SMU1: variants seen among roughly 807,000 people sequenced by gnomAD.
SMU1 encodes SMU1 DNA replication regulator and spliceosomal factor, also known as WD40 repeat-containing protein SMU1.
SMU1 carries 2 observed loss-of-function variants against 62.0 expected under a neutral mutation model. The observed-to-expected ratio is 0.03, with a 90% CI of 0.01 to 0.10. SMU1 has a LOEUF of 0.10. Among genes scored for constraint, SMU1 ranks in the 10% least tolerant of loss-of-function variants. SMU1 has a pLI of 1.00. For synonymous variants in SMU1, 188 were observed against 212.4 expected (o/e 0.89, Z 1.00); for missense variants, 227 against 622.1 (o/e 0.36, Z 6.76).
rs1469506358 is a variant in SMU1, at chr9:33,063,471, CCTTTT to C, written c.502-1299_502-1295del. Among the ~76,000 whole-genome samples, 21 of 152,290 alleles carry C rather than the reference CCTTTT, an allele frequency of 1.4e-4. 1 individual carries two copies. In the South Asian group the frequency reaches 3.1e-3, roughly 23 times the overall value. ...ACACAATCAATGTTTATTCCCCTTT[CCTTTT>C]GTTATTCCAAGAAAACTCAATAATT... On this transcript the variant is annotated intron_variant, in intron 4 of 11. Transcript: ENST00000397149.
intron 10 of SMU1, among the ~76,000 whole-genome samples, chr9:33,052,169 T>C (rs561290725): frequency 2.0e-5 from 3 of 152,090 alleles, no homozygotes; most frequent in African/African-American, 7.2e-5. Context: ...TATATCTAAA[T>C]AAGATCTGTA....
intron 4 of SMU1, among the ~76,000 whole-genome samples, 170 bp from the exon 5 acceptor site, chr9:33,062,347 G>C (rs571764576): frequency 6.6e-6 from 1 of 152,258 alleles, no homozygotes; most frequent in Non-Finnish European, 1.5e-5. Context: ...TCCCCTGTGT[G>C]TCCAAGAACA....
chr9:33,070,832 T>C (rs1243212416), intron 3 of SMU1, among the ~76,000 whole-genome samples: 1 of 151,954 alleles, frequency 6.6e-6, no homozygotes, highest in Non-Finnish European at 1.5e-5. Flanking sequence ...AATTAAAACA[T>C]GGAGATAGAG....
intron 4 of SMU1, among the ~76,000 whole-genome samples, chr9:33,065,349 A>C (rs1035036192): frequency 6.6e-6 from 1 of 152,052 alleles, no homozygotes; most frequent in Non-Finnish European, 1.5e-5. Context: ...TAGAACCAAA[A>C]CCTCACTTGC....
At chr9:33,057,192 T>A (rs1466814857) in intron 7 of SMU1, among the ~76,000 whole-genome samples, 1 of 152,192 alleles carries the variant, frequency 6.6e-6, no homozygotes, top group African/African-American at 2.4e-5. Flanking sequence ...ATATAGACTC[T>A]AAGTTCACTT....
chr9:33,061,920 G>T, intron 5 of SMU1, 129 bp downstream of exon 5: 1 of 1,007,514 alleles, frequency 9.9e-7, no homozygotes. Flanking sequence ...CAGCAACCTT[G>T]AATATTGTCA....
intron 8 of SMU1, 32 bp downstream of exon 8, chr9:33,056,805 C>T (rs368387960): frequency 2.5e-6 from 4 of 1,606,048 alleles, no homozygotes; most frequent in Admixed American, 1.7e-5. Context: ...ATATCAAACT[C>T]AAGTGAGAGC....
At chr9:33,074,290 C>T (rs1839517803) in intron 1 of SMU1, among the ~76,000 whole-genome samples, 1 of 152,042 alleles carries the variant, frequency 6.6e-6, no homozygotes, top group African/African-American at 2.4e-5. Flanking sequence ...CTGTGAGACC[C>T]CATCTCTACA....
rs1839148717 is a variant in SMU1 at position 33,043,553 on chromosome 9, C to CT, written c.*3739dup. 6.6e-6 allele frequency: 1 copy of CT among 152,244 alleles called. No homozygotes were observed. The highest frequency in any genetic ancestry group is 2.1e-4 in the South Asian group (1 of 4,828). 9.4% of individuals were successfully genotyped at this position (152,244 alleles called of 1,614,324 possible). On this transcript the variant is annotated 3_prime_UTR_variant, in exon 12 of 12. Transcript: ENST00000397149. ...AAGCCAAAAGAAGTGACAGCAAAGA[C>CT]TGACATCCAGAATCCTCTAATTCAG...
intron 3 of SMU1, among the ~76,000 whole-genome samples, chr9:33,069,487 C>G (rs190440557): frequency 4.6e-5 from 7 of 152,306 alleles, no homozygotes; most frequent in Admixed American, 4.6e-4. Context: ...TTGCAAACTA[C>G]CCATCTGACA....
intron 4 of SMU1, among the ~76,000 whole-genome samples, chr9:33,066,505 T>TAAAAAAAAAAAAAAAAAA (rs35501819): frequency 8.0e-5 from 8 of 100,120 alleles, no homozygotes; most frequent in East Asian, 3.1e-4. Context: ...TCCATTTAAT[T>TAAAAAAAAAAAAAAAAAA]AAAAAAAAAA....
chr9:33,054,259 T>C (rs1478703465), intron 9 of SMU1, among the ~76,000 whole-genome samples: 1 of 152,038 alleles, frequency 6.6e-6, no homozygotes, highest in African/African-American at 2.4e-5. Context: ...GTTCAAGCGA[T>C]CCTCTCACTT....
intron 10 of SMU1, among the ~76,000 whole-genome samples, chr9:33,049,101 G>A (rs796678062): frequency 2.0e-5 from 3 of 152,284 alleles, no homozygotes; most frequent in African/African-American, 7.2e-5. Context: ...AAATTATTTT[G>A]TGGATATTGA....
At chr9:33,076,049 A>T (rs1481810721) in intron 1 of SMU1, among the ~76,000 whole-genome samples, 1 of 152,196 alleles carries the variant, frequency 6.6e-6, no homozygotes, top group East Asian at 1.9e-4. Flanking sequence ...CCTCTAAGGT[A>T]TGCTAGACAC....
chr9:33,057,630 A>G lies in SMU1; in HGVS notation c.835T>C (p.Leu279=), dbSNP rs376079944. 1,134 of 1,614,014 alleles carry G rather than the reference A, an allele frequency of 7.0e-4. 11 individuals carry two copies. In the South Asian group the frequency reaches 0.012, roughly 17 times the overall value. ...TTTCCATCTTGGGCCCCAGTTGCTA[A>G]CATTTCTGTATCTCTGCTGAAACAC... ...CMCFSRDTEM[L]ATGAQDGKIK... is the part of the protein sequence containing the mutation. The change falls in exon 7 of 12, where the codon TTA becomes CTA. Residue 279 remains leucine, a synonymous_variant. Coordinates refer to ENST00000397149, the MANE Select transcript of SMU1 (RefSeq NM_018225.3).
At chr9:33,073,895 C>G in intron 1 of SMU1, 89 bp from the exon 2 acceptor site, 1 of 1,158,152 alleles carries the variant, frequency 8.6e-7, no homozygotes, top group South Asian at 1.5e-5. Flanking sequence ...AATCATCTTC[C>G]TTTCACTACT....
At chr9:33,075,917 T>C (rs1213039908) in intron 1 of SMU1, among the ~76,000 whole-genome samples, 1 of 152,204 alleles carries the variant, frequency 6.6e-6, no homozygotes, top group Admixed American at 6.5e-5. Flanking sequence ...TTTTTCTTTC[T>C]AGCCCAGTCT....
At position 33,076,666 on chromosome 9, in the gene SMU1, A is replaced by C; in HGVS notation, c.-58T>G. 6.2e-7 allele frequency: 1 copy of C among 1,611,612 alleles called. No individual in the cohort carries two copies. The highest frequency in any genetic ancestry group is 8.5e-7 in the Non-Finnish European group (1 of 1,178,970). ...TCCCTCAAGGCCAGTCGCGCAACAC[A>C]CCAACGACACCTCCGGCGGACACCT... On this transcript the variant is annotated 5_prime_UTR_variant, in exon 1 of 12. Transcript: ENST00000397149.
rs190632637 is a variant in SMU1, at chr9:33,063,784, C to G, written c.502-1607G>C. Among the ~76,000 whole-genome samples, 8 of 152,106 alleles carry G rather than the reference C, an allele frequency of 5.3e-5. No homozygotes were observed. In the East Asian group the frequency reaches 1.5e-3, roughly 29 times the overall value. ...GAAGAGTTTCATCCCAAACCCACCC[C>G]CCTGACACCCCCACCACCATCTGTG... On this transcript the variant is annotated intron_variant, in intron 4 of 11. Coordinates refer to ENST00000397149, the MANE Select transcript of SMU1 (RefSeq NM_018225.3).
Sources: allele counts gnomAD v4.1 joint callset (sites outside exome capture counted in the v4.1 genomes callset), GRCh38; gene constraint gnomAD v4.1.1; transcripts MANE v1.5; gene names NCBI Gene and HGNC (gene_info 2026-07-23, HGNC 2026-07-21).